Variants in TM7SF3 observed in about 807,000 individuals in gnomAD.
The protein encoded by TM7SF3 is transmembrane 7 superfamily member 3.
A neutral mutation model predicts 65.5 loss-of-function variants in TM7SF3; 60 were observed. That is an observed-to-expected ratio of 0.92 (90% CI 0.74 to 1.14). TM7SF3 has a LOEUF of 1.14. Ranked by LOEUF, TM7SF3 falls within the 50% of genes most tolerant of loss-of-function variation. The pLI, the probability that TM7SF3 is intolerant of heterozygous loss-of-function variation, is 0.00. For missense variants in TM7SF3, 623 were observed against 684.8 expected, an observed-to-expected ratio of 0.91 and a Z score of 1.01; for synonymous variants, 264 against 259.6, an observed-to-expected ratio of 1.02 and a Z score of -0.16.
At chr12:27,002,578 C>G (rs1260133996) in intron 2 of TM7SF3, among the ~76,000 whole-genome samples, 1 of 152,038 alleles carries the variant, frequency 6.6e-6, no homozygotes, top group Non-Finnish European at 1.5e-5. Flanking sequence ...ATGTATTGGT[C>G]TAGGGCATCA....
At chr12:26,999,418 T>G in intron 3 of TM7SF3, 108 bp downstream of exon 3, 3 of 1,224,326 alleles carry the variant, frequency 2.5e-6, no homozygotes, top group Non-Finnish European at 3.4e-6. Context: ...TCCGATTATA[T>G]AAATTATACT....
rs1939557522 is a variant in TM7SF3, at chr12:26,976,253, C to T, written c.1287+7G>A. 3 of 1,592,652 alleles carry T rather than the reference C, an allele frequency of 1.9e-6. No homozygotes were observed. The highest frequency in any genetic ancestry group is 2.6e-6 in the Non-Finnish European group (3 of 1,160,722). ...TCAATAAATCTAACTTTTGATGAAA[C>T]ACTTACTATTCTTAGGCAGCCCATG... On this transcript the variant is annotated splice_region_variant and intron_variant, in intron 10 of 11. Transcript: ENST00000343028.
At chr12:27,012,169 C>T (rs1477691472) in intron 1 of TM7SF3, among the ~76,000 whole-genome samples, 4 of 152,170 alleles carry the variant, frequency 2.6e-5, no homozygotes, top group African/African-American at 9.7e-5. Context: ...AGTGGAAGGA[C>T]TATGAAATTT....
chr12:27,014,202 C>T lies in TM7SF3; in HGVS notation c.-34G>A. 1 of 1,548,290 alleles carries T rather than the reference C, an allele frequency of 6.5e-7. No individual in the cohort carries two copies. The highest frequency in any genetic ancestry group is 2.4e-5 in the East Asian group (1 of 40,960). On this transcript the variant is annotated 5_prime_UTR_variant, in exon 1 of 12. Coordinates refer to ENST00000343028, the MANE Select transcript of TM7SF3 (RefSeq NM_016551.3). ...GGGCCGGGCTGGGCCCACGCCAGGG[C>T]TGGGGAGAGGTGCGGGCGTGCGCGC... is the stretch of plus-strand genomic sequence containing the variant.
At position 26,972,186 on chromosome 12, in the gene TM7SF3, A is replaced by C. The variant is rs1017062003; in HGVS notation, c.*1779T>G. Reference sequence around the variant, plus strand: ...TCGGGTGCTTTCTTGTGGTGAAACAAGGGTGTCAAAACTGAGGGGACTCTC... The same window carrying C: ...TCGGGTGCTTTCTTGTGGTGAAACACGGGTGTCAAAACTGAGGGGACTCTC... On this transcript the variant is annotated 3_prime_UTR_variant, in exon 12 of 12. Transcript: ENST00000343028. 1 of 152,200 alleles carries C rather than the reference A, an allele frequency of 6.6e-6. No homozygotes were observed. Among genetic ancestry groups the C allele is most frequent in the African/African-American group, 2.4e-5 (1 of 41,448 alleles). The allele number at this position is 152,200 out of a possible 1,614,324, so 9.4% of individuals were successfully genotyped here.
At position 26,995,228 on chromosome 12, in the gene TM7SF3, C is replaced by G. The variant is rs980744363; in HGVS notation, c.690+9G>C. On this transcript the variant is annotated intron_variant, in intron 5 of 11. Transcript: ENST00000343028. ...ATCCAGCCACACAAATCATGGGACT[C>G]AGATTTACCTTGAGAGCACTGGCCT... 1.2e-6 allele frequency: 2 copies of G among 1,608,858 alleles called. No individual in the cohort carries two copies. Among genetic ancestry groups the G allele is most frequent in the Non-Finnish European group, 1.7e-6 (2 of 1,176,722 alleles).
chr12:26,988,719 T>C (rs1940214261), intron 6 of TM7SF3, among the ~76,000 whole-genome samples: 1 of 150,374 alleles, frequency 6.7e-6, no homozygotes, highest in Admixed American at 6.6e-5. Flanking sequence ...TACGTATCTA[T>C]ACATACACAG....
In TM7SF3 at chr12:26,980,649, A is replaced by T; in HGVS notation, c.956-3T>A. 1 of 1,537,720 alleles carries T rather than the reference A, an allele frequency of 6.5e-7. No individual in the cohort carries two copies. The highest frequency in any genetic ancestry group is 8.9e-7 in the Non-Finnish European group (1 of 1,126,628). The stretch of plus-strand genomic sequence containing the variant: ...GATAAAGCCTATGAAGAATAATTCT[A>T]AGTGGCAAACCACCAGGAAAGGAAA... On this transcript the variant is annotated splice_polypyrimidine_tract_variant and splice_region_variant and intron_variant, in intron 7 of 11. Transcript: ENST00000343028.
intron 6 of TM7SF3, among the ~76,000 whole-genome samples, chr12:26,985,652 A>AAAAAT (rs1565872267): frequency 3.1e-4 from 12 of 39,108 alleles, no homozygotes; most frequent in South Asian, 8.8e-4. Flanking sequence ...AAAAAAAAAA[A>AAAAAT]ATATATATAT....
At chr12:26,975,471 T>C (rs755123667) in intron 11 of TM7SF3, 25 bp downstream of exon 11, 1 of 1,613,584 alleles carries the variant, frequency 6.2e-7, no homozygotes, top group South Asian at 1.1e-5. Context: ...GCTGTCACAC[T>C]GGTTTTTGGA....
At chr12:26,996,625 A>C (rs1415749213) in intron 4 of TM7SF3, 117 bp downstream of exon 4, 3 of 1,094,458 alleles carry the variant, frequency 2.7e-6, no homozygotes, top group Non-Finnish European at 3.9e-6. Flanking sequence ...AATTCCCCCC[A>C]AAAATTAACT....
intron 3 of TM7SF3, among the ~76,000 whole-genome samples, chr12:26,997,424 C>T (rs913258229): frequency 3.3e-5 from 5 of 152,160 alleles, no homozygotes; most frequent in East Asian, 1.9e-4. Context: ...CCTTTTTCTG[C>T]ACTTATGGAT....
chr12:26,984,931 T>C (rs1035455515), intron 6 of TM7SF3, among the ~76,000 whole-genome samples: 1 of 152,210 alleles, frequency 6.6e-6, no homozygotes, highest in African/African-American at 2.4e-5. Flanking sequence ...GGCAAGGTTT[T>C]AGTTAGGAGG....
chr12:26,998,625 G>C (rs1485913187), intron 3 of TM7SF3, among the ~76,000 whole-genome samples: 1 of 152,032 alleles, frequency 6.6e-6, no homozygotes, highest in African/African-American at 2.4e-5. Context: ...TCCACCTTCT[G>C]GATATCTCAA....
intron 6 of TM7SF3, among the ~76,000 whole-genome samples, chr12:26,983,200 T>C (rs186822845): frequency 5.3e-4 from 49 of 92,446 alleles, no homozygotes; most frequent in African/African-American, 1.9e-3. Flanking sequence ...CTTCAACAAA[T>C]AAACTGCATG....
Position 26,982,810 on chromosome 12 carries a change from GA to G in TM7SF3, c.917del (p.Phe306SerfsTer18). ...ATCTGTGTCCAAAGAAACAAATGAA[GA>G]AACCAAGCAGGGCAAAAAGAGTGAA... ...VFFTLFALLG[F>X]FICFFGHRFW... On this transcript the variant is annotated frameshift_variant, in exon 7 of 12. Coordinates refer to ENST00000343028, the MANE Select transcript of TM7SF3 (RefSeq NM_016551.3). LOFTEE classifies it high-confidence loss of function. 1 of 1,609,240 alleles carries G rather than the reference GA, an allele frequency of 6.2e-7. No homozygotes were observed. The highest frequency in any genetic ancestry group is 8.5e-7 in the Non-Finnish European group (1 of 1,178,562).
intron 2 of TM7SF3, among the ~76,000 whole-genome samples, chr12:27,002,810 A>C (rs1020257729): frequency 3.3e-5 from 5 of 152,250 alleles, no homozygotes; most frequent in Non-Finnish European, 5.9e-5. Context: ...GACAGAGTCC[A>C]AAGAATAAAG....
chr12:26,984,151 C>T (rs7299657), intron 6 of TM7SF3, among the ~76,000 whole-genome samples: 11,782 of 152,122 alleles, frequency 0.077, 533 homozygotes, highest in Non-Finnish European at 0.1. Context: ...AAACAACAGC[C>T]GGGTGCAGTG....
chr12:26,974,859 T>C (rs1228009084), intron 11 of TM7SF3, among the ~76,000 whole-genome samples: 1 of 152,222 alleles, frequency 6.6e-6, no homozygotes, highest in Non-Finnish European at 1.5e-5. Context: ...AGATTTGCCC[T>C]AAAATAAAAT....
Sources: gnomAD v4.1 joint callset for allele counts (sites outside exome capture counted in the v4.1 genomes callset) on GRCh38, gnomAD v4.1.1 for gene constraint, MANE v1.5 for transcripts, NCBI Gene and HGNC (gene_info 2026-07-23, HGNC 2026-07-21) for gene names.